RGS6: variants seen among roughly 807,000 people sequenced by gnomAD.
RGS6 encodes the protein regulator of G protein signaling 6.
A neutral mutation model predicts 78.5 loss-of-function variants in RGS6; 30 were observed. The observed-to-expected ratio is 0.38, with a 90% CI of 0.29 to 0.52. The LOEUF (loss-of-function observed/expected upper bound fraction) is 0.52. Ranked by LOEUF, RGS6 falls within the 20% of genes least tolerant of loss-of-function variation. The pLI, the probability that RGS6 is intolerant of heterozygous loss-of-function variation, is 0.85. For synonymous variants in RGS6, 206 were observed against 206.0 expected, an observed-to-expected ratio of 1.00 and a Z score of 0.00; for missense variants, 495 against 609.7, an observed-to-expected ratio of 0.81 and a Z score of 1.98.
chr14:72,442,768 T>C (rs2095251314), intron 3 of RGS6, among the ~76,000 whole-genome samples: 1 of 152,142 alleles, frequency 6.6e-6, no homozygotes, highest in African/African-American at 2.4e-5. Context: ...GAGGGGAGCC[T>C]GGATTCATAC....
At chr14:72,271,810 G>C (rs1312623320) in intron 2 of RGS6, among the ~76,000 whole-genome samples, 1 of 151,960 alleles carries the variant, frequency 6.6e-6, no homozygotes, top group Non-Finnish European at 1.5e-5. Flanking sequence ...GGGAGAATCT[G>C]TTTCCTTGCC....
At chr14:71,904,015 A>G in the RGS6 span, among the ~76,000 whole-genome samples, 6 of 152,242 alleles carry the variant, frequency 3.9e-5, no homozygotes, top group Non-Finnish European at 2.9e-5. Flanking sequence ...ATATGTAAAT[A>G]TAGAACCCCA....
chr14:72,436,358 T>C (rs193237225), intron 3 of RGS6, among the ~76,000 whole-genome samples: 1 of 152,292 alleles, frequency 6.6e-6, no homozygotes, highest in East Asian at 1.9e-4. Flanking sequence ...GCTGGTTCTC[T>C]CAGCCTACTA....
intron 3 of RGS6, among the ~76,000 whole-genome samples, chr14:72,378,122 A>G (rs892617814): frequency 3.3e-5 from 5 of 152,262 alleles, no homozygotes; most frequent in Non-Finnish European, 5.9e-5. Flanking sequence ...TGAGTGAAGG[A>G]AAAAATTTAA....
chr14:72,428,301 A>G (rs1192328084), intron 3 of RGS6, among the ~76,000 whole-genome samples: 1 of 152,200 alleles, frequency 6.6e-6, no homozygotes, highest in Admixed American at 6.5e-5. Flanking sequence ...CAGGTCACCT[A>G]ATACATATTT....
At chr14:72,448,879 G>C (rs758658887) in intron 3 of RGS6, among the ~76,000 whole-genome samples, 33 of 152,148 alleles carry the variant, frequency 2.2e-4, no homozygotes, top group Non-Finnish European at 4.1e-4. Context: ...CTGTGGTCTT[G>C]AGCCTCTCTG....
At chr14:72,111,128 G>T (rs2095752410) in intron 2 of RGS6, among the ~76,000 whole-genome samples, 1 of 152,178 alleles carries the variant, frequency 6.6e-6, no homozygotes, top group Admixed American at 6.5e-5. Context: ...GGCTTAGATT[G>T]ATAATAATCT....
intron 3 of RGS6, among the ~76,000 whole-genome samples, chr14:72,397,197 C>A (rs575742071): frequency 1.1e-3 from 164 of 152,302 alleles, no homozygotes; most frequent in African/African-American, 3.8e-3. Flanking sequence ...ATGGAATGTT[C>A]TTCCATTTGT....
At chr14:72,074,374 G>A (rs762403529) in intron 2 of RGS6, among the ~76,000 whole-genome samples, 2 of 151,808 alleles carry the variant, frequency 1.3e-5, no homozygotes, top group South Asian at 4.2e-4. Flanking sequence ...TTTTTGTAGG[G>A]GTGGGTAGAG....
At chr14:71,926,904 G>T in the RGS6 span, among the ~76,000 whole-genome samples, 2 of 152,112 alleles carry the variant, frequency 1.3e-5, no homozygotes, top group Non-Finnish European at 2.9e-5. Flanking sequence ...TATTTACCAT[G>T]GTCCTAACCA....
In RGS6 at chr14:72,013,929, T is replaced by G. The variant is rs765192403; in HGVS notation, c.84+49054T>G. Among the ~76,000 whole-genome samples the G allele has an allele frequency of 8.5e-4, 129 of 152,356 alleles. 2 individuals are homozygous for G. The highest frequency in any genetic ancestry group is 1.8e-3 in the Admixed American group (27 of 15,308). On this transcript the variant is annotated intron_variant, in intron 2 of 17. Coordinates refer to ENST00000553525, the MANE Select transcript of RGS6 (RefSeq NM_001204424.2). Reference sequence around the variant, plus strand: ...TCATGTGCTGTTCCCTTGTGTGTGCTCAGTCCTTATTGCAGCTGCTGGGTC... The same window carrying G: ...TCATGTGCTGTTCCCTTGTGTGTGCGCAGTCCTTATTGCAGCTGCTGGGTC...
intron 17 of RGS6, among the ~76,000 whole-genome samples, chr14:72,561,531 G>A (rs148999468): frequency 1.9e-4 from 29 of 152,294 alleles, no homozygotes; most frequent in Non-Finnish European, 3.2e-4. Flanking sequence ...ACGGAGCCTC[G>A]CTCGTGCCCC....
intron 2 of RGS6, among the ~76,000 whole-genome samples, chr14:72,287,390 A>G (rs917628769): frequency 1.3e-5 from 2 of 152,186 alleles, no homozygotes; most frequent in African/African-American, 2.4e-5. Flanking sequence ...TCTTGATCTT[A>G]GAAGAAAAGC....
intron 2 of RGS6, among the ~76,000 whole-genome samples, chr14:72,030,368 G>A (rs2090642496): frequency 6.6e-6 from 1 of 152,192 alleles, no homozygotes; most frequent in South Asian, 2.1e-4. Context: ...ATATTTAAAA[G>A]ATAAGGAAAT....
At chr14:72,398,280 G>A (rs980671699) in intron 3 of RGS6, among the ~76,000 whole-genome samples, 7 of 152,184 alleles carry the variant, frequency 4.6e-5, no homozygotes, top group Non-Finnish European at 7.3e-5. Context: ...TTAGTCTTGG[G>A]AGAGTGTATG....
At chr14:72,367,559 C>T (rs775870145) in intron 3 of RGS6, among the ~76,000 whole-genome samples, 1 of 152,160 alleles carries the variant, frequency 6.6e-6, no homozygotes, top group Non-Finnish European at 1.5e-5. Context: ...ATTATGCCCA[C>T]CTAGCTCTTC....
intron 17 of RGS6, chr14:72,550,629 G>T: frequency 1.3e-6 from 2 of 1,516,658 alleles, no homozygotes; most frequent in South Asian, 2.4e-5. Context: ...ATACTAGAAG[G>T]TTCTGAGGCA....
At chr14:72,500,793 G>T (rs1221304090) in intron 13 of RGS6, among the ~76,000 whole-genome samples, 1 of 152,252 alleles carries the variant, frequency 6.6e-6, no homozygotes, top group Non-Finnish European at 1.5e-5. Flanking sequence ...GCAGGGGAAA[G>T]CAGGGGAGGG....
intron 3 of RGS6, among the ~76,000 whole-genome samples, chr14:72,449,525 A>G (rs1229193302): frequency 1.3e-5 from 2 of 152,196 alleles, no homozygotes; most frequent in Admixed American, 1.3e-4. Flanking sequence ...ACACCTGAAG[A>G]CAAAGCCCTG....
Sources: allele counts gnomAD v4.1 joint callset (sites outside exome capture counted in the v4.1 genomes callset), GRCh38; gene constraint gnomAD v4.1.1; transcripts MANE v1.5; gene names NCBI Gene and HGNC (gene_info 2026-07-23, HGNC 2026-07-21).